FAM204A: variants seen among roughly 807,000 people sequenced by gnomAD.
FAM204A encodes the protein protein FAM204A.
FAM204A carries 16 observed loss-of-function variants against 35.4 expected under a neutral mutation model. The observed-to-expected ratio is 0.45, with a 90% CI of 0.31 to 0.69. FAM204A has a LOEUF of 0.69. Among genes scored for constraint, FAM204A ranks in the 30% least tolerant of loss-of-function variants. The pLI is 0.07. For missense variants in FAM204A, 240 were observed against 265.7 expected, an observed-to-expected ratio of 0.90 and a Z score of 0.67; for synonymous variants, 76 against 86.9, an observed-to-expected ratio of 0.88 and a Z score of 0.70.
intron 7 of FAM204A, among the ~76,000 whole-genome samples, chr10:118,325,454 T>TA (rs1019430198): frequency 2.7e-5 from 4 of 148,926 alleles, no homozygotes; most frequent in South Asian, 4.3e-4. Context: ...ATCAAGGCAC[T>TA]AAAAAAAAAG....
In FAM204A at chr10:118,341,338, C is replaced by T. The variant is rs566223984; in HGVS notation, c.-9+389G>A. Reference sequence around the variant, plus strand: ...ATCTAAAATTAATTTCACTTGTATACTAATTATAAGCCACAATTATTTAAC... The same window carrying T: ...ATCTAAAATTAATTTCACTTGTATATTAATTATAAGCCACAATTATTTAAC... On this transcript the variant is annotated intron_variant, in intron 2 of 8. Coordinates refer to ENST00000369183, the MANE Select transcript of FAM204A (RefSeq NM_022063.3). 8.5e-5 allele frequency among the ~76,000 whole-genome samples: 13 copies of T among 152,106 alleles called. 1 individual carries two copies. The highest frequency in any genetic ancestry group is 2.1e-4 in the South Asian group (1 of 4,830).
At chr10:118,336,457 A>G (rs778516918) in intron 2 of FAM204A, 34 bp from the exon 3 acceptor site, 38 of 1,536,022 alleles carry the variant, frequency 2.5e-5, no homozygotes, top group Non-Finnish European at 2.7e-5. Context: ...CACATGTAGA[A>G]TAACCATAGA....
chr10:118,325,125 C>G (rs763479540), intron 7 of FAM204A, among the ~76,000 whole-genome samples: 3 of 151,732 alleles, frequency 2.0e-5, no homozygotes, highest in Non-Finnish European at 2.9e-5. Flanking sequence ...TTTTTCCCTA[C>G]GCCAAAATAA....
In FAM204A at chr10:118,310,660, G is replaced by T; in HGVS notation, c.*197C>A. ...TCTTACATTTCTTATACAAATAACA[G>T]AATGCTTCATTTTATTCACTTCAAT... On this transcript the variant is annotated 3_prime_UTR_variant, in exon 9 of 9. Coordinates refer to ENST00000369183, the MANE Select transcript of FAM204A (RefSeq NM_022063.3). 1.9e-6 allele frequency: 1 copy of T among 540,008 alleles called. No individual in the cohort carries two copies. Among genetic ancestry groups the T allele is most frequent in the Non-Finnish European group, 3.2e-6 (1 of 312,216 alleles). 33.5% of individuals were successfully genotyped at this position (540,008 alleles called of 1,614,324 possible).
At chr10:118,313,587 C>A (rs779015018) in intron 7 of FAM204A, among the ~76,000 whole-genome samples, 8 of 152,180 alleles carry the variant, frequency 5.3e-5, no homozygotes, top group Non-Finnish European at 8.8e-5. Flanking sequence ...TCTCCACATT[C>A]AAGTGGACAA....
rs979248693 is a variant in FAM204A at position 118,303,834 on chromosome 10, A to C, written c.*7023T>G. On this transcript the variant is annotated 3_prime_UTR_variant, in exon 9 of 9. Transcript: ENST00000369183. Reference sequence around the variant, plus strand: ...TCAAAAAGAAAAAAAGAAAAAAAACAGCTCCTTTGCCACAAGCAGAGTTCA... The same window carrying C: ...TCAAAAAGAAAAAAAGAAAAAAAACCGCTCCTTTGCCACAAGCAGAGTTCA... The C allele has an allele frequency of 6.6e-6, 1 of 152,304 alleles. No individual in the cohort carries two copies. The highest frequency in any genetic ancestry group is 1.5e-5 in the Non-Finnish European group (1 of 68,428). 9.4% of individuals were successfully genotyped at this position (152,304 alleles called of 1,614,324 possible).
intron 7 of FAM204A, among the ~76,000 whole-genome samples, chr10:118,320,703 A>G (rs1171264529): frequency 1.3e-5 from 2 of 152,012 alleles, no homozygotes; most frequent in Non-Finnish European, 2.9e-5. Flanking sequence ...ATTACATGAC[A>G]AAACCAAAGA....
Position 118,301,036 on chromosome 10 carries a change from C to T in FAM204A, c.*9821G>A, listed in dbSNP as rs1845803294. The T allele has an allele frequency of 6.6e-6, 1 of 152,316 alleles. No individual in the cohort carries two copies. Among genetic ancestry groups the T allele is most frequent in the East Asian group, 1.9e-4 (1 of 5,180 alleles). The allele number at this position is 152,316 out of a possible 1,614,324, so 9.4% of individuals were successfully genotyped here. On this transcript the variant is annotated 3_prime_UTR_variant, in exon 9 of 9. Coordinates refer to ENST00000369183, the MANE Select transcript of FAM204A (RefSeq NM_022063.3). ...TGCCATAGCTGGTGAGCATCCACAG[C>T]CTACATTCAAACCCAAGTTTCATTC...
At chr10:118,327,309 A>G (rs893944276) in intron 6 of FAM204A, among the ~76,000 whole-genome samples, 12 of 152,202 alleles carry the variant, frequency 7.9e-5, no homozygotes, top group Non-Finnish European at 1.5e-5. Flanking sequence ...GATGTAAAAA[A>G]TAACAACATA....
chr10:118,312,924 T>C (rs910041633), intron 7 of FAM204A, among the ~76,000 whole-genome samples: 2 of 152,156 alleles, frequency 1.3e-5, no homozygotes, highest in Non-Finnish European at 2.9e-5. Context: ...GGCAGTTACA[T>C]TTGACTGCTT....
In FAM204A at chr10:118,304,740, C is replaced by A. The variant is rs954198076; in HGVS notation, c.*6117G>T. 1 of 152,228 alleles carries A rather than the reference C, an allele frequency of 6.6e-6. No homozygotes were observed. Among genetic ancestry groups the A allele is most frequent in the African/African-American group, 2.4e-5 (1 of 41,448 alleles). 9.4% of individuals were successfully genotyped at this position (152,228 alleles called of 1,614,324 possible). The stretch of plus-strand genomic sequence containing the variant: ...TTCAGCAGGTATCACACTGTGACAC[C>A]ACACCCACTACACGGTAATATGAAC... On this transcript the variant is annotated 3_prime_UTR_variant, in exon 9 of 9. Transcript: ENST00000369183.
rs1241715992 is a variant in FAM204A at position 118,308,237 on chromosome 10, G to C, written c.*2620C>G. 6.6e-6 allele frequency: 1 copy of C among 152,182 alleles called. No individual in the cohort carries two copies. The highest frequency in any genetic ancestry group is 2.4e-5 in the African/African-American group (1 of 41,436). The allele number at this position is 152,182 out of a possible 1,614,324, so 9.4% of individuals were successfully genotyped here. A position where few individuals can be genotyped will look rare whatever the true frequency, so the allele number is the denominator to read the frequency against. On this transcript the variant is annotated 3_prime_UTR_variant, in exon 9 of 9. Coordinates refer to ENST00000369183, the MANE Select transcript of FAM204A (RefSeq NM_022063.3). Reference sequence around the variant, plus strand: ...AACGGCCTGAAACATATTAATCTCAGTTAACAATAACTGACGTTTACATTA... The same window carrying C: ...AACGGCCTGAAACATATTAATCTCACTTAACAATAACTGACGTTTACATTA...
intron 7 of FAM204A, among the ~76,000 whole-genome samples, chr10:118,312,955 T>G (rs757752033): frequency 2.0e-5 from 3 of 152,188 alleles, no homozygotes; most frequent in Non-Finnish European, 4.4e-5. Context: ...TTTGTTCTTT[T>G]GGTTCTCTTT....
rs35224218 is a variant in FAM204A, at chr10:118,328,494, G to GTT, written c.454-2253_454-2252dup. Among the ~76,000 whole-genome samples, 762 of 137,620 alleles carry GTT rather than the reference G, an allele frequency of 5.5e-3. 2 individuals are homozygous for GTT. The highest frequency in any genetic ancestry group is 0.014 in the South Asian group (60 of 4,266). The allele number at this position is 137,620 out of a possible 152,430, so 90.3% of individuals were successfully genotyped here. A position where few individuals can be genotyped will look rare whatever the true frequency, so the allele number is the denominator to read the frequency against. Reference sequence around the variant, plus strand: ...ATGCATGCTGAAATATATGTCAACTGTTTTTTTTTTTTTTTTGGTGACACG... The same window carrying GTT: ...ATGCATGCTGAAATATATGTCAACTGTTTTTTTTTTTTTTTTTTGGTGACACG... On this transcript the variant is annotated intron_variant, in intron 6 of 8. Coordinates refer to ENST00000369183, the MANE Select transcript of FAM204A (RefSeq NM_022063.3).
rs1315519938 is a variant in FAM204A at position 118,303,923 on chromosome 10, T to C, written c.*6934A>G. 1 of 152,274 alleles carries C rather than the reference T, an allele frequency of 6.6e-6. No homozygotes were observed. Among genetic ancestry groups the C allele is most frequent in the Non-Finnish European group, 1.5e-5 (1 of 68,072 alleles). 9.4% of individuals were successfully genotyped at this position (152,274 alleles called of 1,614,324 possible). A position where few individuals can be genotyped will look rare whatever the true frequency, so the allele number is the denominator to read the frequency against. Reference sequence around the variant, plus strand: ...CCCTTTCAGGCATTCCCCTTCCTCATGGGCTTTGCTCCCTCCCTTACAAAT... The same window carrying C: ...CCCTTTCAGGCATTCCCCTTCCTCACGGGCTTTGCTCCCTCCCTTACAAAT... On this transcript the variant is annotated 3_prime_UTR_variant, in exon 9 of 9. Coordinates refer to ENST00000369183, the MANE Select transcript of FAM204A (RefSeq NM_022063.3).
rs1288881044 is a variant in FAM204A, at chr10:118,309,281, T to C, written c.*1576A>G. 1.3e-5 allele frequency: 2 copies of C among 152,320 alleles called. No homozygotes were observed. Among genetic ancestry groups the C allele is most frequent in the South Asian group, 2.1e-4 (1 of 4,830 alleles). 9.4% of individuals were successfully genotyped at this position (152,320 alleles called of 1,614,324 possible). ...ACTAAATGAAAGCAAGATATGATTT[T>C]TGGATGCTTAAATAGTAGCTAGGTA... On this transcript the variant is annotated 3_prime_UTR_variant, in exon 9 of 9. Transcript: ENST00000369183.
rs1845768294 is a variant in FAM204A, at chr10:118,298,083, T to C, written c.*12774A>G. 1 of 152,122 alleles carries C rather than the reference T, an allele frequency of 6.6e-6. No individual in the cohort carries two copies. The highest frequency in any genetic ancestry group is 2.1e-4 in the South Asian group (1 of 4,822). 9.4% of individuals were successfully genotyped at this position (152,122 alleles called of 1,614,324 possible). ...GAAACCTAGTTATCTGCGTATTCCA[T>C]CCTCTGGGCAGCACACTACTGCCAT... On this transcript the variant is annotated 3_prime_UTR_variant, in exon 9 of 9. Coordinates refer to ENST00000369183, the MANE Select transcript of FAM204A (RefSeq NM_022063.3).
rs1394518515 is a variant in FAM204A, at chr10:118,302,794, CT to C, written c.*8062del. 1 of 152,188 alleles carries C rather than the reference CT, an allele frequency of 6.6e-6. No individual in the cohort carries two copies. The highest frequency in any genetic ancestry group is 1.5e-5 in the Non-Finnish European group (1 of 68,032). The allele number at this position is 152,188 out of a possible 1,614,324, so 9.4% of individuals were successfully genotyped here. ...TTTATACCACAAGGCACCTCCTTCC[CT>C]ATGGTTTGTGATAAGACATGTGCAA... On this transcript the variant is annotated 3_prime_UTR_variant, in exon 9 of 9. Coordinates refer to ENST00000369183, the MANE Select transcript of FAM204A (RefSeq NM_022063.3).
In FAM204A at chr10:118,301,689, A is replaced by T. The variant is rs1026783143; in HGVS notation, c.*9168T>A. The T allele has an allele frequency of 6.6e-6, 1 of 152,202 alleles. No individual in the cohort carries two copies. The highest frequency in any genetic ancestry group is 1.5e-5 in the Non-Finnish European group (1 of 68,036). The allele number at this position is 152,202 out of a possible 1,614,324, so 9.4% of individuals were successfully genotyped here. On this transcript the variant is annotated 3_prime_UTR_variant, in exon 9 of 9. Transcript: ENST00000369183. ...TCTCCCAACAAGTATATTGTTTGCTATATGTGAGAATCTATTCTCAGCACT... is the reference window on the plus strand; with the variant it reads ...TCTCCCAACAAGTATATTGTTTGCTTTATGTGAGAATCTATTCTCAGCACT...
Sources: allele counts gnomAD v4.1 joint callset (sites outside exome capture counted in the v4.1 genomes callset), GRCh38; gene constraint gnomAD v4.1.1; transcripts MANE v1.5; gene names NCBI Gene and HGNC (gene_info 2026-07-23, HGNC 2026-07-21).